Variants in NELL2 observed in about 807,000 individuals in gnomAD.
NELL2 encodes the protein protein kinase C-binding protein NELL2.
A neutral mutation model predicts 109.6 loss-of-function variants in NELL2; 41 were observed. The ratio of observed to expected loss-of-function variants is 0.37; its 90% CI spans 0.29 to 0.49. The LOEUF is 0.49. NELL2 is among the 20% of genes least tolerant of loss of function. The pLI, the probability that NELL2 is intolerant of heterozygous loss-of-function variation, is 0.98. For synonymous variants in NELL2, 355 were observed against 344.7 expected (o/e 1.03, Z -0.33); for missense variants, 900 against 1,008.3 (o/e 0.89, Z 1.45).
At chr12:44,781,836 T>G (rs1033823855) in intron 3 of NELL2, among the ~76,000 whole-genome samples, 3 of 151,914 alleles carry the variant, frequency 2.0e-5, no homozygotes, top group African/African-American at 7.2e-5. Flanking sequence ...AATCAAGACA[T>G]TCTCAGATAA....
Position 44,590,059 on chromosome 12 carries a change from T to G in NELL2, c.1663+17110A>C, listed in dbSNP as rs1180973589. On this transcript the variant is annotated intron_variant, in intron 15 of 19. Transcript: ENST00000429094. ...ACTGTATAATCACCCTAATCCAATT[T>G]ATAGGTACTGATTTATTATTTTTTG... Among the ~76,000 whole-genome samples the G allele has an allele frequency of 2.6e-5, 4 of 152,184 alleles. No individual in the cohort carries two copies. The East Asian group carries it at 7.7e-4, about 29-fold the overall frequency.
chr12:44,856,287 A>C (rs1399345781), intron 2 of NELL2, among the ~76,000 whole-genome samples: 2 of 152,254 alleles, frequency 1.3e-5, no homozygotes, highest in African/African-American at 2.4e-5. Flanking sequence ...TTTGGGATTC[A>C]TATCAGTAAA....
chr12:44,797,728 T>C (rs944490865), intron 3 of NELL2, among the ~76,000 whole-genome samples: 8 of 150,980 alleles, frequency 5.3e-5, no homozygotes, highest in African/African-American at 1.9e-4. Context: ...TCTGAAAAAC[T>C]CAACATTAAA....
upstream of NELL2, among the ~76,000 whole-genome samples, chr12:44,914,912 T>C (rs77734686): frequency 1.1e-4 from 16 of 152,070 alleles, no homozygotes; most frequent in East Asian, 2.3e-3. Context: ...TGCAGTGGCG[T>C]GATCTCGGCT....
intron 17 of NELL2, chr12:44,523,046 C>A (rs1941610564): frequency 1.9e-6 from 1 of 517,394 alleles, no homozygotes; most frequent in East Asian, 3.5e-5. Context: ...TTATATGAGG[C>A]TCTAGAAAAT....
rs746239984 is a variant in NELL2 at position 44,577,465 on chromosome 12, G to GTTTTTT, written c.1663+29698_1663+29703dup. Among the ~76,000 whole-genome samples, 13 of 83,464 alleles carry GTTTTTT rather than the reference G, an allele frequency of 1.6e-4. 2 individuals carry two copies. Among genetic ancestry groups the GTTTTTT allele is most frequent in the African/African-American group, 7.1e-4 (10 of 14,154 alleles). 54.8% of individuals were successfully genotyped at this position (83,464 alleles called of 152,430 possible). ...ATATTAGCCCTTTGTCAGATGAGTAGTTTTTTTTTTTTTTTTTTTTTTTTT... is the reference window on the plus strand; with the variant it reads ...ATATTAGCCCTTTGTCAGATGAGTAGTTTTTTTTTTTTTTTTTTTTTTTTTTTTTTT... On this transcript the variant is annotated intron_variant, in intron 15 of 19. Coordinates refer to ENST00000429094, the MANE Select transcript of NELL2 (RefSeq NM_001145108.2).
chr12:44,553,232 C>A (rs1259669534), intron 15 of NELL2, among the ~76,000 whole-genome samples: 1 of 145,914 alleles, frequency 6.9e-6, no homozygotes, highest in Non-Finnish European at 1.5e-5. Flanking sequence ...AACTAACCTG[C>A]ACAATGTGCA....
intron 17 of NELL2, 191 bp downstream of exon 17, chr12:44,523,100 C>A: frequency 1.6e-6 from 1 of 624,234 alleles, no homozygotes; most frequent in Non-Finnish European, 2.8e-6. Context: ...TTGCCTGGAT[C>A]TAAGGTTGTG....
At chr12:44,844,616 G>C (rs1218578916) in intron 2 of NELL2, among the ~76,000 whole-genome samples, 1 of 152,206 alleles carries the variant, frequency 6.6e-6, no homozygotes, top group Non-Finnish European at 1.5e-5. Context: ...TGGAGTACCA[G>C]TGAAGAGATA....
intron 1 of NELL2, among the ~76,000 whole-genome samples, chr12:44,906,751 T>C (rs1342788310): frequency 2.0e-5 from 3 of 152,090 alleles, no homozygotes; most frequent in African/African-American, 4.8e-5. Flanking sequence ...CCGGGACATA[T>C]TAACCTTGGG....
intron 1 of NELL2, among the ~76,000 whole-genome samples, chr12:44,890,740 AT>A (rs200478354): frequency 2.7e-5 from 4 of 149,142 alleles, no homozygotes; most frequent in Non-Finnish European, 4.5e-5. Context: ...ATTTTATTTT[AT>A]TTTTTTTGAT....
chr12:44,766,375 C>T (rs768725731), intron 9 of NELL2, among the ~76,000 whole-genome samples: 3 of 152,162 alleles, frequency 2.0e-5, no homozygotes, highest in African/African-American at 4.8e-5. Flanking sequence ...CCAGTGGGCA[C>T]TATGTTGTCC....
intron 15 of NELL2, among the ~76,000 whole-genome samples, chr12:44,573,963 T>C (rs1241550834): frequency 3.9e-5 from 6 of 152,236 alleles, no homozygotes; most frequent in African/African-American, 1.4e-4. Context: ...GGATTAGGTG[T>C]TACCCACTAA....
intron 9 of NELL2, among the ~76,000 whole-genome samples, chr12:44,756,605 A>T (rs886495318): frequency 6.6e-6 from 1 of 152,092 alleles, no homozygotes; most frequent in Non-Finnish European, 1.5e-5. Flanking sequence ...TGAATCTCAT[A>T]AAAAATGTTA....
intron 13 of NELL2, among the ~76,000 whole-genome samples, chr12:44,629,955 C>A (rs966164404): frequency 2.0e-5 from 3 of 152,138 alleles, no homozygotes; most frequent in Admixed American, 6.5e-5. Context: ...TGGTTGGTTA[C>A]ATATTATAAT....
upstream of NELL2, among the ~76,000 whole-genome samples, chr12:44,880,140 CAG>C (rs59747538): frequency 0.29 from 43,333 of 146,946 alleles, 6,941 homozygotes; most frequent in South Asian, 0.55. Flanking sequence ...CACACACACA[CAG>C]AGAGAGAGAG....
At chr12:44,684,512 G>A (rs963921697) in intron 12 of NELL2, among the ~76,000 whole-genome samples, 27 of 151,854 alleles carry the variant, frequency 1.8e-4, no homozygotes, top group Admixed American at 1.1e-3. Flanking sequence ...GTGATGTTAG[G>A]GTGCCAATTT....
intron 13 of NELL2, among the ~76,000 whole-genome samples, chr12:44,655,314 A>G (rs530178650): frequency 2.0e-5 from 3 of 152,180 alleles, no homozygotes; most frequent in Non-Finnish European, 1.5e-5. Flanking sequence ...TTGTATATGG[A>G]TATGACAGAT....
chr12:44,554,904 G>A (rs1015892498), intron 15 of NELL2, among the ~76,000 whole-genome samples: 1 of 152,186 alleles, frequency 6.6e-6, no homozygotes, highest in Non-Finnish European at 1.5e-5. Context: ...TACTTAACAG[G>A]AACACAATAG....
Sources: allele counts gnomAD v4.1 joint callset (sites outside exome capture counted in the v4.1 genomes callset), GRCh38; gene constraint gnomAD v4.1.1; transcripts MANE v1.5; gene names NCBI Gene and HGNC (gene_info 2026-07-23, HGNC 2026-07-21).